TUBB6: variants seen among roughly 807,000 people sequenced by gnomAD.
TUBB6 encodes the protein tubulin beta 6 class V, also known as tubulin beta-6 chain.
A neutral mutation model predicts 32.3 loss-of-function variants in TUBB6; 18 were observed. That is an observed-to-expected ratio of 0.56 (90% confidence interval 0.39 to 0.83). TUBB6 has a LOEUF of 0.83. TUBB6 is among the 40% of genes least tolerant of loss of function. The pLI is 0.00. For missense variants in TUBB6, 480 were observed against 632.0 expected (o/e 0.76, Z 2.58); for synonymous variants, 280 against 265.8 (o/e 1.05, Z -0.52).
At chr18:12,329,632 A>G (rs1568130466), downstream of TUBB6, 1 of 1,614,110 alleles carries the variant, frequency 6.2e-7, no homozygotes, top group Non-Finnish European at 8.5e-7. Context: ...CCAGTCCTTA[A>G]GGCCTTCTGG....
intron 3 of TUBB6, among the ~76,000 whole-genome samples, chr18:12,311,412 A>T (rs2144130512): frequency 6.6e-6 from 1 of 152,270 alleles, no homozygotes; most frequent in South Asian, 2.1e-4. Flanking sequence ...CCTGGCTGAC[A>T]CGGTGAAACC....
downstream of TUBB6, chr18:12,329,780 C>T (rs1206135897): frequency 1.2e-6 from 2 of 1,610,836 alleles, no homozygotes; most frequent in Non-Finnish European, 1.7e-6. Flanking sequence ...AACAGAAGAG[C>T]AACCTGAAAT....
chr18:12,312,737 C>T (rs931967423), intron 3 of TUBB6, among the ~76,000 whole-genome samples: 16 of 150,420 alleles, frequency 1.1e-4, no homozygotes, highest in Admixed American at 3.3e-4. Flanking sequence ...CAGTAGCTAA[C>T]GCCTGTAATC....
intron 3 of TUBB6, chr18:12,320,580 C>A (rs1334653819): frequency 6.6e-6 from 1 of 152,162 alleles, no homozygotes; most frequent in Non-Finnish European, 1.5e-5. Flanking sequence ...ACAATGGAGC[C>A]AGCTGTATAC....
Position 12,325,659 on chromosome 18 carries a change from CCAG to C in TUBB6, c.874_876del (p.Gln292del), listed in dbSNP as rs751162510. 21 of 1,613,912 alleles carry C rather than the reference CCAG, an allele frequency of 1.3e-5. No individual in the cohort carries two copies. Among genetic ancestry groups the C allele is most frequent in the Non-Finnish European group, 1.7e-5 (20 of 1,180,010 alleles). On this transcript the variant is annotated inframe_deletion, in exon 4 of 4. Coordinates refer to ENST00000317702, the MANE Select transcript of TUBB6 (RefSeq NM_032525.3). ...GGGCCCTGACCGTGCCCGAGCTCAC[CCAG>C]CAGATGTTCGACGCCAGGAACATGA... is the stretch of plus-strand genomic sequence containing the variant.
intron 3 of TUBB6, among the ~76,000 whole-genome samples, chr18:12,318,435 TGAAAAACACA>T: frequency 6.8e-6 from 1 of 147,394 alleles, no homozygotes; most frequent in East Asian, 2.0e-4. Context: ...CTACGGCTTG[TGAAAAACACA>T]AGGAAACGGC....
At position 12,308,378 on chromosome 18, in the gene TUBB6, C is replaced by A. The variant is rs8086993; in HGVS notation, c.57+29C>A. 1,046,388 of 1,367,594 alleles carry A rather than the reference C, an allele frequency of 0.77. 405,189 individuals are homozygous for A. The highest frequency in any genetic ancestry group is 0.79 in the Non-Finnish European group (838,564 of 1,060,440). 84.7% of individuals were successfully genotyped at this position (1,367,594 alleles called of 1,614,324 possible). A position where few individuals can be genotyped will look rare whatever the true frequency, so the allele number is the denominator to read the frequency against. ...GGCCTGGCGCGGTGCAGGGCCTCTCCGCGGGTCGGCTGCTGGCGGGCCCCG... is the reference window on the plus strand; with the variant it reads ...GGCCTGGCGCGGTGCAGGGCCTCTCAGCGGGTCGGCTGCTGGCGGGCCCCG... On this transcript the variant is annotated intron_variant, in intron 1 of 3. Coordinates refer to ENST00000317702, the MANE Select transcript of TUBB6 (RefSeq NM_032525.3).
rs1398847035 is a variant in TUBB6 at position 12,308,548 on chromosome 18, C to T, written c.58-139C>T. On this transcript the variant is annotated intron_variant, in intron 1 of 3. Transcript: ENST00000317702. ...GACCTTCTACTCTTCGCTCCCCACC[C>T]CCATCCCAACTGGGAGCGGCTGCCG... 3 of 766,026 alleles carry T rather than the reference C, an allele frequency of 3.9e-6. No individual in the cohort carries two copies. In the East Asian group the frequency reaches 8.6e-5, roughly 22 times the overall value. The allele number at this position is 766,026 out of a possible 1,614,324, so 47.5% of individuals were successfully genotyped here.
At chr18:12,323,912 T>C (rs1463984601) in intron 3 of TUBB6, among the ~76,000 whole-genome samples, 1 of 152,188 alleles carries the variant, frequency 6.6e-6, no homozygotes, top group Non-Finnish European at 1.5e-5. Flanking sequence ...AAGCTCCTTT[T>C]CTCAACTGGC....
At position 12,314,566 on chromosome 18, in the gene TUBB6, C is replaced by T. The variant is rs1057365242; in HGVS notation, c.277+3513C>T. ...CATACAGTGAAAACCCACCTCCCTCCCTGCCTGCCTCCCTCGCAGGAGTCC... is the reference window on the plus strand; with the variant it reads ...CATACAGTGAAAACCCACCTCCCTCTCTGCCTGCCTCCCTCGCAGGAGTCC... On this transcript the variant is annotated intron_variant, in intron 3 of 3. Coordinates refer to ENST00000317702, the MANE Select transcript of TUBB6 (RefSeq NM_032525.3). Among the ~76,000 whole-genome samples, 12 of 152,214 alleles carry T rather than the reference C, an allele frequency of 7.9e-5. No individual in the cohort carries two copies. In the East Asian group the frequency reaches 2.3e-3, roughly 29 times the overall value.
At chr18:12,308,597 C>T (rs1906145323) in intron 1 of TUBB6, 90 bp from the exon 2 acceptor site, 4 of 1,031,068 alleles carry the variant, frequency 3.9e-6, no homozygotes, top group Non-Finnish European at 5.8e-6. Context: ...GCCTGGAATT[C>T]GGCCGCCGGG....
At chr18:12,328,219 T>C (rs564517675), downstream of TUBB6, among the ~76,000 whole-genome samples, 73 of 152,346 alleles carry the variant, frequency 4.8e-4, no homozygotes, top group African/African-American at 1.6e-3. Context: ...CCTGGGGCCA[T>C]GGCAGGGATG....
At chr18:12,309,188 C>T (rs1343631431) in intron 2 of TUBB6, among the ~76,000 whole-genome samples, 1 of 146,834 alleles carries the variant, frequency 6.8e-6, no homozygotes, top group Non-Finnish European at 1.5e-5. Context: ...CCCCCCGCCC[C>T]CCTCCCGCCC....
At chr18:12,312,559 GA>G (rs1388129084) in intron 3 of TUBB6, among the ~76,000 whole-genome samples, 2 of 152,130 alleles carry the variant, frequency 1.3e-5, no homozygotes, top group African/African-American at 2.4e-5. Context: ...ATAAGTGTTT[GA>G]GAAATACTAG....
At chr18:12,309,332 GAC>G (rs1906218261) in intron 2 of TUBB6, among the ~76,000 whole-genome samples, 1 of 151,228 alleles carries the variant, frequency 6.6e-6, no homozygotes, top group African/African-American at 2.4e-5. Context: ...CAGCCTGGGT[GAC>G]AGAGCGAGAC....
At chr18:12,309,960 T>C (rs950027068) in intron 2 of TUBB6, among the ~76,000 whole-genome samples, 12 of 122,898 alleles carry the variant, frequency 9.8e-5, no homozygotes, top group Non-Finnish European at 1.8e-4. Flanking sequence ...GAGAATTTCA[T>C]CCAAACCTGG....
chr18:12,307,887 T>C (rs2144118906), upstream of TUBB6: 1 of 152,402 alleles, frequency 6.6e-6, no homozygotes, highest in East Asian at 1.9e-4. Context: ...GCGGCTGCAA[T>C]GCTCCCGGGC....
downstream of TUBB6, chr18:12,329,646 T>G (rs771527543): frequency 6.2e-7 from 1 of 1,614,176 alleles, no homozygotes; most frequent in Non-Finnish European, 8.5e-7. Context: ...CTTCTGGAAG[T>G]GAGGTGTCCT....
intron 3 of TUBB6, among the ~76,000 whole-genome samples, chr18:12,315,702 T>G (rs1906636076): frequency 1.3e-5 from 2 of 152,232 alleles, no homozygotes; most frequent in Admixed American, 6.5e-5. Flanking sequence ...AAAATGCAAC[T>G]CAGCGCACGC....
Sources: gnomAD v4.1 joint callset for allele counts (sites outside exome capture counted in the v4.1 genomes callset) on GRCh38, gnomAD v4.1.1 for gene constraint, MANE v1.5 for transcripts, NCBI Gene and HGNC (gene_info 2026-07-23, HGNC 2026-07-21) for gene names.